The following ALG10B variants were observed in gnomAD, a reference collection of about 807,000 sequenced individuals.
The protein encoded by ALG10B is ALG10 alpha-1,2-glucosyltransferase B.
ALG10B carries 27 observed loss-of-function variants against 38.7 expected under a neutral mutation model. The observed-to-expected ratio is 0.70, with a 90% CI of 0.51 to 0.96. ALG10B has a LOEUF of 0.96. Ranked by LOEUF, ALG10B falls within the 40% of genes least tolerant of loss-of-function variation. The probability of loss-of-function intolerance (pLI) is 0.00; values close to 1 mark genes in which losing one functional copy is unlikely to be tolerated. For synonymous variants in ALG10B, 177 were observed against 193.3 expected (o/e 0.92, Z 0.70); for missense variants, 522 against 542.7 (o/e 0.96, Z 0.38).
rs1476847592 is a variant in ALG10B at position 38,325,126 on chromosome 12, TAGTC to T, written c.*3916_*3919del. ...AACGTTTATGTTTTCCATTAATGGA[TAGTC>T]AGGAATCTTTTGAACTGCGTCTATG... On this transcript the variant is annotated 3_prime_UTR_variant, in exon 3 of 3. Transcript: ENST00000308742. 1 of 152,192 alleles carries T rather than the reference TAGTC, an allele frequency of 6.6e-6. No individual in the cohort carries two copies. The highest frequency in any genetic ancestry group is 2.4e-5 in the African/African-American group (1 of 41,454). The allele number at this position is 152,192 out of a possible 1,614,324, so 9.4% of individuals were successfully genotyped here. A position where few individuals can be genotyped will look rare whatever the true frequency, so the allele number is the denominator to read the frequency against.
In ALG10B at chr12:38,324,631, T is replaced by G. The variant is rs1945728855; in HGVS notation, c.*3418T>G. The G allele has an allele frequency of 6.6e-6, 1 of 152,240 alleles. No individual in the cohort carries two copies. Among genetic ancestry groups the G allele is most frequent in the African/African-American group, 2.4e-5 (1 of 41,464 alleles). 9.4% of individuals were successfully genotyped at this position (152,240 alleles called of 1,614,324 possible). On this transcript the variant is annotated 3_prime_UTR_variant, in exon 3 of 3. Coordinates refer to ENST00000308742, the MANE Select transcript of ALG10B (RefSeq NM_001013620.4). ...TGAATTTTCCAAAATAGATAACAGA[T>G]AAAATGATTATGTAAGAACTTGGCA... is the stretch of plus-strand genomic sequence containing the variant.
chr12:38,317,542 A>G (rs1268794082), intron 1 of ALG10B: 1 of 185,672 alleles, frequency 5.4e-6, no homozygotes, highest in Non-Finnish European at 1.1e-5. Context: ...TTTTTAGTGA[A>G]CTATCTGTTG....
chr12:38,320,777 T>A lies in ALG10B; in HGVS notation c.986T>A (p.Val329Asp), dbSNP rs1296796933. 1 of 1,613,970 alleles carries A rather than the reference T, an allele frequency of 6.2e-7. No homozygotes were observed. Among genetic ancestry groups the A allele is most frequent in the Non-Finnish European group, 8.5e-7 (1 of 1,179,858 alleles). ...AAACATGGAATTCTGTTTTTGGTGG[T>A]TACCTTAGTCTCTGTGTTTTTAGTT... ...VWKHGILFLV[V>D]TLVSVFLVWK... The change falls in exon 3 of 3, where the codon GTT (valine) becomes GAT (aspartate). Residue 329 changes from valine (V) to aspartate (D), a missense_variant. Coordinates refer to ENST00000308742, the MANE Select transcript of ALG10B (RefSeq NM_001013620.4).
At position 38,325,488 on chromosome 12, in the gene ALG10B, C is replaced by T. The variant is rs1424897895; in HGVS notation, c.*4275C>T. On this transcript the variant is annotated 3_prime_UTR_variant, in exon 3 of 3. Transcript: ENST00000308742. ...ATAGTGGACTGTTATTTTGGACTCA[C>T]TTTTAAATAAAATATTTATTCACAT... 1.3e-5 allele frequency: 2 copies of T among 152,038 alleles called. No individual in the cohort carries two copies. The highest frequency in any genetic ancestry group is 4.8e-5 in the African/African-American group (2 of 41,390). The allele number at this position is 152,038 out of a possible 1,614,324, so 9.4% of individuals were successfully genotyped here. A position where few individuals can be genotyped will look rare whatever the true frequency, so the allele number is the denominator to read the frequency against.
Position 38,329,181 on chromosome 12 carries a change from G to A in ALG10B, c.*7968G>A, listed in dbSNP as rs1945772580. The A allele has an allele frequency of 2.5e-6, 1 of 398,170 alleles. No homozygotes were observed. The highest frequency in any genetic ancestry group is 2.1e-5 in the African/African-American group (1 of 48,558). 24.7% of individuals were successfully genotyped at this position (398,170 alleles called of 1,614,324 possible). ...GAAAAATGAGGTCCACACTAATTTT[G>A]CCTCTTCCACAGGGAGATAGATTCT... On this transcript the variant is annotated 3_prime_UTR_variant, in exon 3 of 3. Transcript: ENST00000308742.
rs1306525753 is a variant in ALG10B, at chr12:38,322,267, T to C, written c.*1054T>C. 5.9e-5 allele frequency: 9 copies of C among 152,214 alleles called. No homozygotes were observed. Among genetic ancestry groups the C allele is most frequent in the Non-Finnish European group, 1.3e-4 (9 of 68,046 alleles). The allele number at this position is 152,214 out of a possible 1,614,324, so 9.4% of individuals were successfully genotyped here. ...TTCATTACCTTTTAAGGACAGTGTC[T>C]TTGAATGTAGGGCCCACCCTGATCT... On this transcript the variant is annotated 3_prime_UTR_variant, in exon 3 of 3. Coordinates refer to ENST00000308742, the MANE Select transcript of ALG10B (RefSeq NM_001013620.4).
rs775175684 is a variant in ALG10B, at chr12:38,320,409, T to C, written c.618T>C (p.Thr206=). 6.2e-7 allele frequency: 1 copy of C among 1,614,104 alleles called. No individual in the cohort carries two copies. Among genetic ancestry groups the C allele is most frequent in the Non-Finnish European group, 8.5e-7 (1 of 1,179,968 alleles). ...GGAATGTCATTGCACAAAAGTTAAC[T>C]GAGGCTTGGAAAACTGAGCTACAAA... ...CAGNVIAQKL[T]EAWKTELQKK... is the part of the protein sequence containing the mutation. Residue 206 remains threonine, a synonymous_variant, in exon 3 of 3, where the codon ACT becomes ACC. Transcript: ENST00000308742.
Position 38,325,610 on chromosome 12 carries a change from T to C in ALG10B, c.*4397T>C, listed in dbSNP as rs78086833. 1 of 152,214 alleles carries C rather than the reference T, an allele frequency of 6.6e-6. No homozygotes were observed. Among genetic ancestry groups the C allele is most frequent in the African/African-American group, 2.4e-5 (1 of 41,458 alleles). 9.4% of individuals were successfully genotyped at this position (152,214 alleles called of 1,614,324 possible). ...AAAGTGAAGCAAGTAAGAATTGTGA[T>C]ATAAATTTGAAAATTTTTAAATGGA... On this transcript the variant is annotated 3_prime_UTR_variant, in exon 3 of 3. Transcript: ENST00000308742.
Position 38,321,602 on chromosome 12 carries a change from G to T in ALG10B, c.*389G>T, listed in dbSNP as rs1021337578. 1.3e-5 allele frequency: 2 copies of T among 153,506 alleles called. No homozygotes were observed. Among genetic ancestry groups the T allele is most frequent in the African/African-American group, 2.4e-5 (1 of 41,388 alleles). 9.5% of individuals were successfully genotyped at this position (153,506 alleles called of 1,614,324 possible). ...TTAGGTTAGTGCAAAAGTAATTGTG[G>T]TTTTTGCCATTGAAAGTAATGGCAA... On this transcript the variant is annotated 3_prime_UTR_variant, in exon 3 of 3. Transcript: ENST00000308742.
chr12:38,322,637 G>C lies in ALG10B; in HGVS notation c.*1424G>C, dbSNP rs1399571725. The C allele has an allele frequency of 1.3e-5, 2 of 152,148 alleles. No homozygotes were observed. Among genetic ancestry groups the C allele is most frequent in the African/African-American group, 4.8e-5 (2 of 41,426 alleles). 9.4% of individuals were successfully genotyped at this position (152,148 alleles called of 1,614,324 possible). On this transcript the variant is annotated 3_prime_UTR_variant, in exon 3 of 3. Transcript: ENST00000308742. ...AAACATTTGAAATGTACTCTCAACA[G>C]TATTGAAATGTACATACAGTGCTTA...
chr12:38,318,883 G>T (rs891126262), intron 2 of ALG10B, among the ~76,000 whole-genome samples: 1 of 152,156 alleles, frequency 6.6e-6, no homozygotes, highest in African/African-American at 2.4e-5. Context: ...TTCTCTCCCT[G>T]CCACTTAACC....
chr12:38,320,705 A>C lies in ALG10B; in HGVS notation c.914A>C (p.His305Pro). Residue 305 changes from histidine to proline, a missense_variant, in exon 3 of 3, where the codon CAT becomes CCT. Coordinates refer to ENST00000308742, the MANE Select transcript of ALG10B (RefSeq NM_001013620.4). ...TTTACTCTCTTTTTTTCTTTTCCTCATCTCCTGTCTCCTAGCAAAATTAAG... is the reference window on the plus strand; with the variant it reads ...TTTACTCTCTTTTTTTCTTTTCCTCCTCTCCTGTCTCCTAGCAAAATTAAG... ...FSFTLFFSFP[H>P]LLSPSKIKTF... 1.2e-6 allele frequency: 2 copies of C among 1,612,954 alleles called. No homozygotes were observed. Among genetic ancestry groups the C allele is most frequent in the Non-Finnish European group, 1.7e-6 (2 of 1,179,714 alleles).
rs1288582601 is a variant in ALG10B at position 38,327,665 on chromosome 12, A to G, written c.*6452A>G. On this transcript the variant is annotated 3_prime_UTR_variant, in exon 3 of 3. Transcript: ENST00000308742. ...GTTTTTTTTCAATTTTTTTTAAATC[A>G]AAAGAAGTAGTATATGGAGAGAGAG... The G allele has an allele frequency of 6.6e-6, 1 of 152,102 alleles. No individual in the cohort carries two copies. Among genetic ancestry groups the G allele is most frequent in the Non-Finnish European group, 1.5e-5 (1 of 68,018 alleles). 9.4% of individuals were successfully genotyped at this position (152,102 alleles called of 1,614,324 possible). A position where few individuals can be genotyped will look rare whatever the true frequency, so the allele number is the denominator to read the frequency against.
In ALG10B at chr12:38,324,198, A is replaced by G. The variant is rs1945724853; in HGVS notation, c.*2985A>G. 8.0e-6 allele frequency: 3 copies of G among 377,306 alleles called. No individual in the cohort carries two copies. The highest frequency in any genetic ancestry group is 4.9e-5 in the South Asian group (1 of 20,414). 23.4% of individuals were successfully genotyped at this position (377,306 alleles called of 1,614,324 possible). The stretch of plus-strand genomic sequence containing the variant: ...TAGGCGCCCACCACCAAGCCTGGCT[A>G]ATTTTTTCTATTTTTAGTAGAGCCG... On this transcript the variant is annotated 3_prime_UTR_variant, in exon 3 of 3. Coordinates refer to ENST00000308742, the MANE Select transcript of ALG10B (RefSeq NM_001013620.4).
chr12:38,322,985 C>G lies in ALG10B; in HGVS notation c.*1772C>G, dbSNP rs1382383965. On this transcript the variant is annotated 3_prime_UTR_variant, in exon 3 of 3. Coordinates refer to ENST00000308742, the MANE Select transcript of ALG10B (RefSeq NM_001013620.4). ...AATAGTATTTTTTTGTATATATATG[C>G]CACATTTTCTTTATCCATTCATCCA... 1 of 152,066 alleles carries G rather than the reference C, an allele frequency of 6.6e-6. No homozygotes were observed. The highest frequency in any genetic ancestry group is 6.6e-5 in the Admixed American group (1 of 15,256). 9.4% of individuals were successfully genotyped at this position (152,066 alleles called of 1,614,324 possible).
Position 38,324,176 on chromosome 12 carries a change from G to A in ALG10B, c.*2963G>A. The stretch of plus-strand genomic sequence containing the variant: ...GCCTCCCGAGTAGCTGAGATTATAG[G>A]CGCCCACCACCAAGCCTGGCTAATT... On this transcript the variant is annotated 3_prime_UTR_variant, in exon 3 of 3. Transcript: ENST00000308742. The A allele has an allele frequency of 2.4e-6, 1 of 422,410 alleles. No individual in the cohort carries two copies. The highest frequency in any genetic ancestry group is 4.2e-6 in the Non-Finnish European group (1 of 236,160). The allele number at this position is 422,410 out of a possible 1,614,324, so 26.2% of individuals were successfully genotyped here.
rs1390915047 is a variant in ALG10B at position 38,326,894 on chromosome 12, A to G, written c.*5681A>G. 6.6e-6 allele frequency: 1 copy of G among 151,614 alleles called. No homozygotes were observed. Among genetic ancestry groups the G allele is most frequent in the Non-Finnish European group, 1.5e-5 (1 of 67,890 alleles). 9.4% of individuals were successfully genotyped at this position (151,614 alleles called of 1,614,324 possible). A position where few individuals can be genotyped will look rare whatever the true frequency, so the allele number is the denominator to read the frequency against. ...CTAGGGTAAGAAATTCTGTCACAAT[A>G]TAATATCTCTATATTGTGCTTTTTT... On this transcript the variant is annotated 3_prime_UTR_variant, in exon 3 of 3. Transcript: ENST00000308742.
In ALG10B at chr12:38,320,747, T is replaced by G. The variant is rs1945696053; in HGVS notation, c.956T>G (p.Val319Gly). 1 of 1,613,996 alleles carries G rather than the reference T, an allele frequency of 6.2e-7. No individual in the cohort carries two copies. The change falls in exon 3 of 3, where the codon GTT (valine) becomes GGT (glycine). Residue 319 changes from valine (V) to glycine (G), a missense_variant. Transcript: ENST00000308742. ...PSKIKTFLSL[V>G]WKHGILFLVV... The stretch of plus-strand genomic sequence containing the variant: ...AAAATTAAGACTTTTCTTTCCTTAG[T>G]TTGGAAACATGGAATTCTGTTTTTG...
chr12:38,328,627 A>G lies in ALG10B; in HGVS notation c.*7414A>G, dbSNP rs1220320373. The stretch of plus-strand genomic sequence containing the variant: ...CAAAGATTTATAATCATTTATATCT[A>G]TTTATCTAATGTTATTCAAATGTTT... On this transcript the variant is annotated 3_prime_UTR_variant, in exon 3 of 3. Transcript: ENST00000308742. 1 of 152,116 alleles carries G rather than the reference A, an allele frequency of 6.6e-6. No individual in the cohort carries two copies. The highest frequency in any genetic ancestry group is 2.1e-4 in the South Asian group (1 of 4,836). The allele number at this position is 152,116 out of a possible 1,614,324, so 9.4% of individuals were successfully genotyped here.
Sources: gnomAD v4.1 joint callset for allele counts (sites outside exome capture counted in the v4.1 genomes callset) on GRCh38, gnomAD v4.1.1 for gene constraint, MANE v1.5 for transcripts, NCBI Gene and HGNC (gene_info 2026-07-23, HGNC 2026-07-21) for gene names.